PCDHA5: variants seen among roughly 807,000 people sequenced by gnomAD.
PCDHA5 encodes the protein protocadherin alpha 5.
PCDHA5 carries 43 observed loss-of-function variants against 61.6 expected under a neutral mutation model. That is an observed-to-expected ratio of 0.70 (90% CI 0.55 to 0.90). The LOEUF is 0.90. Ranked by LOEUF, PCDHA5 falls within the 40% of genes least tolerant of loss-of-function variation. The pLI is 0.00. For synonymous variants in PCDHA5, 627 were observed against 543.9 expected (o/e 1.15, Z -2.13); for missense variants, 1,298 against 1,222.7 (o/e 1.06, Z -0.92).
At chr5:140,837,001 C>A in intron 1 of PCDHA5, 1 of 327,960 alleles carries the variant, frequency 3.0e-6, no homozygotes, top group Non-Finnish European at 5.5e-6. Flanking sequence ...CTAACTGGAG[C>A]AATGGATTCA....
chr5:140,920,841 T>TAA (rs781921146), intron 1 of PCDHA5, among the ~76,000 whole-genome samples: 36 of 109,202 alleles, frequency 3.3e-4, no homozygotes, highest in African/African-American at 8.5e-4. Flanking sequence ...AGACCAAATC[T>TAA]AAAAAAAAAA....
At position 140,857,621 on chromosome 5, in the gene PCDHA5, G is replaced by A. The variant is rs962164938; in HGVS notation, c.2352+33494G>A. ...GTACGCGCTGCAGCCGCTGGACCAC[G>A]AGGAGCTGGAGCTGCTACAGTTCCA... On this transcript the variant is annotated intron_variant, in intron 1 of 3. Transcript: ENST00000529859. The A allele has an allele frequency of 4.4e-6, 7 of 1,596,528 alleles. 1 individual carries two copies. In the African/African-American group the frequency reaches 8.1e-5, roughly 18 times the overall value.
intron 1 of PCDHA5, among the ~76,000 whole-genome samples, chr5:140,961,550 CT>C (rs571779587): frequency 6.6e-6 from 1 of 152,032 alleles, no homozygotes; most frequent in Admixed American, 6.6e-5. Context: ...TGCAGCATTT[CT>C]TTTTTTAAAT....
intron 1 of PCDHA5, chr5:140,881,257 C>T (rs2058639669): frequency 2.0e-6 from 1 of 512,572 alleles, no homozygotes; most frequent in Non-Finnish European, 2.5e-6. Context: ...CAAGGTTTTA[C>T]TCAGTGATGA....
intron 3 of PCDHA5, among the ~76,000 whole-genome samples, chr5:140,996,245 G>A (rs2097718426): frequency 6.6e-6 from 1 of 152,220 alleles, no homozygotes; most frequent in South Asian, 2.1e-4. Context: ...AGGCTGAGAA[G>A]TGACAGCAAC....
intron 1 of PCDHA5, chr5:140,834,404 C>T (rs17844304): frequency 3.7e-6 from 6 of 1,606,068 alleles, no homozygotes; most frequent in South Asian, 3.3e-5. Flanking sequence ...CGAATGGATA[C>T]GACCCAGGGG....
chr5:140,946,574 G>A (rs246054), intron 1 of PCDHA5, among the ~76,000 whole-genome samples: 79,382 of 143,554 alleles, frequency 0.55, 22,609 homozygotes, highest in African/African-American at 0.68. Context: ...AATCAACTTA[G>A]GTGTTCATAG....
chr5:141,006,448 C>T lies in PCDHA5; in HGVS notation c.2501-3179C>T, dbSNP rs968765348. ...CAGGATGGTCTCAATCTCCTGACCT[C>T]GAGATCTGCCTGTCTCGGCCTCCCA... On this transcript the variant is annotated intron_variant, in intron 3 of 3. Coordinates refer to ENST00000529859, the MANE Select transcript of PCDHA5 (RefSeq NM_018908.3). Among the ~76,000 whole-genome samples, 4 of 152,122 alleles carry T rather than the reference C, an allele frequency of 2.6e-5. No homozygotes were observed. In the East Asian group the frequency reaches 7.7e-4, roughly 29 times the overall value.
At chr5:140,828,010 G>A in intron 1 of PCDHA5, 1 of 1,506,714 alleles carries the variant, frequency 6.6e-7, no homozygotes, top group Non-Finnish European at 8.9e-7. Context: ...CAGAAGAAAT[G>A]GATTAATAAA....
At chr5:140,992,332 A>G (rs1554252819) in intron 3 of PCDHA5, among the ~76,000 whole-genome samples, 1 of 152,202 alleles carries the variant, frequency 6.6e-6, no homozygotes, top group African/African-American at 2.4e-5. Context: ...TCTAAGAGCA[A>G]AGATGGAAAT....
chr5:140,919,239 C>G (rs2079049864), intron 1 of PCDHA5, among the ~76,000 whole-genome samples: 1 of 152,188 alleles, frequency 6.6e-6, no homozygotes, highest in Non-Finnish European at 1.5e-5. Context: ...CACTTTTTGT[C>G]TTGTCTGTTT....
rs114930676 is a variant in PCDHA5 at position 140,999,076 on chromosome 5, C to G, written c.2501-10551C>G. ...CATGCCTAAGTAGTCTCCTTCACTT[C>G]CTCCTTCAGAGGGCTATGGAGAGTA... On this transcript the variant is annotated intron_variant, in intron 3 of 3. Transcript: ENST00000529859. Among the ~76,000 whole-genome samples the G allele has an allele frequency of 3.3e-3, 503 of 152,332 alleles. 4 individuals are homozygous for G. The highest frequency in any genetic ancestry group is 0.011 in the African/African-American group (469 of 41,568).
chr5:140,928,539 T>G, intron 1 of PCDHA5: 1 of 1,614,222 alleles, frequency 6.2e-7, no homozygotes. Context: ...TAGATAGGAA[T>G]GACAATTATC....
At chr5:141,005,701 C>CA (rs59860837) in intron 3 of PCDHA5, among the ~76,000 whole-genome samples, 506 of 7,758 alleles carry the variant, frequency 0.065, 109 homozygotes, top group Non-Finnish European at 0.076. Context: ...AACTCCGTCT[C>CA]AAAAAAAAAA....
Position 140,850,531 on chromosome 5 carries a change from C to T in PCDHA5, c.2352+26404C>T, listed in dbSNP as rs2150488289. 32 of 1,598,158 alleles carry T rather than the reference C, an allele frequency of 2.0e-5. 1 individual carries two copies. The East Asian group carries it at 2.5e-4, about 12-fold the overall frequency. On this transcript the variant is annotated intron_variant, in intron 1 of 3. Coordinates refer to ENST00000529859, the MANE Select transcript of PCDHA5 (RefSeq NM_018908.3). ...GAGAGCGGCCAGGCGCCAAAGTCAT[C>T]GTCGCGGGCGTCAGTGGGTGCCACG...
chr5:140,999,406 G>C (rs1459713118), intron 3 of PCDHA5, among the ~76,000 whole-genome samples: 1 of 152,166 alleles, frequency 6.6e-6, no homozygotes, highest in Non-Finnish European at 1.5e-5. Context: ...GCATATGAAA[G>C]AATGGGAGCT....
At chr5:140,850,907 T>A (rs2150501889) in intron 1 of PCDHA5, 1 of 1,548,270 alleles carries the variant, frequency 6.5e-7, no homozygotes, top group East Asian at 2.3e-5. Flanking sequence ...TTTCTAGCAT[T>A]TTATTTATTT....
At chr5:140,934,245 T>C (rs2089728870) in intron 1 of PCDHA5, among the ~76,000 whole-genome samples, 1 of 152,158 alleles carries the variant, frequency 6.6e-6, no homozygotes, top group Non-Finnish European at 1.5e-5. Context: ...ATTGTGGAGA[T>C]TTATCAAAAT....
chr5:140,913,462 G>A (rs1300773586), intron 1 of PCDHA5, among the ~76,000 whole-genome samples: 1 of 151,764 alleles, frequency 6.6e-6, no homozygotes, highest in African/African-American at 2.4e-5. Context: ...TTATTTACTT[G>A]GGTCTTCTCT....
Sources: allele counts gnomAD v4.1 joint callset (sites outside exome capture counted in the v4.1 genomes callset), GRCh38; gene constraint gnomAD v4.1.1; transcripts MANE v1.5; gene names NCBI Gene and HGNC (gene_info 2026-07-23, HGNC 2026-07-21).